Variants in CDH18 observed in about 807,000 individuals in gnomAD.
CDH18 encodes the protein cadherin-18.
CDH18 carries 31 observed loss-of-function variants against 67.9 expected under a neutral mutation model. That is an observed-to-expected ratio of 0.46 (90% CI 0.34 to 0.62). The LOEUF is 0.62. CDH18 is among the 20% of genes least tolerant of loss of function. The pLI, the probability that CDH18 is intolerant of heterozygous loss-of-function variation, is 0.01. For missense variants in CDH18, 890 were observed against 975.5 expected (o/e 0.91, Z 1.17); for synonymous variants, 362 against 347.2 (o/e 1.04, Z -0.48).
intron 5 of CDH18, among the ~76,000 whole-genome samples, chr5:19,633,105 T>C (rs1189205645): frequency 3.3e-5 from 5 of 152,236 alleles, no homozygotes; most frequent in African/African-American, 4.8e-5. Flanking sequence ...AAAATTCCTA[T>C]ACATACTGAT....
At chr5:20,443,207 C>CTCAAAAAAAAAAAAAAAAA (rs1491460573) in intron 1 of CDH18, among the ~76,000 whole-genome samples, 5 of 25,386 alleles carry the variant, frequency 2.0e-4, no homozygotes, top group African/African-American at 4.3e-4. Context: ...GAGACTCCGT[C>CTCAAAAAAAAAAAAAAAAA]ACAAAAAAAA....
At chr5:20,044,271 T>C (rs1464072236) in intron 2 of CDH18, among the ~76,000 whole-genome samples, 1 of 152,138 alleles carries the variant, frequency 6.6e-6, no homozygotes, top group East Asian at 1.9e-4. Context: ...ATGATTCATG[T>C]CCTTAGACAT....
intron 1 of CDH18, chr5:20,305,246 C>T: frequency 7.2e-7 from 1 of 1,383,076 alleles, no homozygotes; most frequent in South Asian, 1.2e-5. Flanking sequence ...AACCGTCCTC[C>T]TCCAGAAGGT....
intron 2 of CDH18, among the ~76,000 whole-genome samples, chr5:19,928,169 T>C (rs2150189583): frequency 6.6e-6 from 1 of 152,264 alleles, no homozygotes; most frequent in African/African-American, 2.4e-5. Context: ...GCCCTGGCTT[T>C]CAATGGCTGC....
intron 2 of CDH18, among the ~76,000 whole-genome samples, chr5:19,908,940 T>C (rs1336351471): frequency 6.6e-6 from 1 of 152,132 alleles, no homozygotes; most frequent in East Asian, 1.9e-4. Context: ...AGAGCCAAAC[T>C]TTTGGAGTCA....
intron 11 of CDH18, among the ~76,000 whole-genome samples, chr5:19,490,261 AC>A (rs1741187964): frequency 6.6e-6 from 1 of 151,970 alleles, no homozygotes; most frequent in Admixed American, 6.6e-5. Flanking sequence ...CTCCTGTAGC[AC>A]CATGTGGTTC....
intron 1 of CDH18, among the ~76,000 whole-genome samples, chr5:20,444,773 T>A (rs1261378610): frequency 7.1e-6 from 1 of 140,984 alleles, no homozygotes; most frequent in Non-Finnish European, 1.5e-5. Context: ...TTAAGCTTTT[T>A]TCTTTCTTTT....
chr5:19,782,194 C>T (rs1190219835), intron 3 of CDH18, among the ~76,000 whole-genome samples: 2 of 152,030 alleles, frequency 1.3e-5, no homozygotes, highest in Non-Finnish European at 2.9e-5. Context: ...TCAGGAGACT[C>T]ACAATCATGG....
chr5:19,514,074 C>A (rs990391470), intron 10 of CDH18, among the ~76,000 whole-genome samples: 3 of 152,136 alleles, frequency 2.0e-5, no homozygotes, highest in African/African-American at 7.2e-5. Context: ...CCAATTCCCA[C>A]CTATGAGTGA....
intron 9 of CDH18, among the ~76,000 whole-genome samples, chr5:19,532,035 T>C (rs1280293378): frequency 6.6e-6 from 1 of 152,220 alleles, no homozygotes; most frequent in African/African-American, 2.4e-5. Flanking sequence ...GCAAAATTCA[T>C]TATACTTTAC....
intron 2 of CDH18, among the ~76,000 whole-genome samples, chr5:19,935,288 C>T (rs1207689181): frequency 5.3e-5 from 8 of 151,148 alleles, no homozygotes; most frequent in African/African-American, 1.9e-4. Flanking sequence ...GTATGTTTCC[C>T]TATATTTTCT....
chr5:19,757,788 T>C (rs893185751), intron 3 of CDH18, among the ~76,000 whole-genome samples: 2 of 152,188 alleles, frequency 1.3e-5, no homozygotes, highest in Non-Finnish European at 2.9e-5. Flanking sequence ...CAGGAATCAG[T>C]AGATAATCAC....
chr5:19,592,494 T>TC (rs1745326762), intron 6 of CDH18, among the ~76,000 whole-genome samples: 1 of 152,078 alleles, frequency 6.6e-6, no homozygotes, highest in South Asian at 2.1e-4. Context: ...AAATAATTTC[T>TC]ACCAAGATTA....
chr5:19,691,304 T>G (rs935015655), intron 5 of CDH18, among the ~76,000 whole-genome samples: 1 of 151,788 alleles, frequency 6.6e-6, no homozygotes, highest in African/African-American at 2.4e-5. Flanking sequence ...TGGAGAAAAC[T>G]GAAAGCCTTT....
rs368560979 is a variant in CDH18, at chr5:20,414,056, G to C, written c.-579-158551C>G. On this transcript the variant is annotated intron_variant, in intron 1 of 14. Coordinates refer to the CDH18 transcript ENST00000507958. The stretch of plus-strand genomic sequence containing the variant: ...TTCAAAAAACAACATATGTTGGCAA[G>C]GATTTTGAGAAAAGGGAACACTTAT... Among the ~76,000 whole-genome samples, 10 of 152,236 alleles carry C rather than the reference G, an allele frequency of 6.6e-5. No individual in the cohort carries two copies. The East Asian group carries it at 1.2e-3, about 18-fold the overall frequency.
intron 1 of CDH18, chr5:20,304,069 A>C: frequency 6.2e-7 from 1 of 1,608,476 alleles, no homozygotes; most frequent in Non-Finnish European, 8.5e-7. Context: ...TCTCCAGTAA[A>C]ATTTTGTGCA....
intron 8 of CDH18, among the ~76,000 whole-genome samples, chr5:19,564,219 C>T (rs574316741): frequency 6.6e-6 from 1 of 152,216 alleles, no homozygotes; most frequent in South Asian, 2.1e-4. Flanking sequence ...ATCTGGAGTG[C>T]AGGTGACATA....
At chr5:20,165,715 T>A (rs1736231364) in intron 2 of CDH18, among the ~76,000 whole-genome samples, 1 of 152,278 alleles carries the variant, frequency 6.6e-6, no homozygotes, top group South Asian at 2.1e-4. Context: ...TTCACATCTA[T>A]ATTTTGTTTT....
At chr5:20,403,020 C>CA (rs11375333) in intron 1 of CDH18, among the ~76,000 whole-genome samples, 87,275 of 144,020 alleles carry the variant, frequency 0.61, 26,697 homozygotes, top group African/African-American at 0.68. Flanking sequence ...ACTAAAAATA[C>CA]AAAAAAAAAA....
Sources: gnomAD v4.1 joint callset for allele counts (sites outside exome capture counted in the v4.1 genomes callset) on GRCh38, gnomAD v4.1.1 for gene constraint, MANE v1.5 for transcripts, NCBI Gene and HGNC (gene_info 2026-07-23, HGNC 2026-07-21) for gene names.